Variants in MYL11 observed in about 807,000 individuals in gnomAD.
The protein encoded by MYL11 is myosin light chain 11, also known as myosin regulatory light chain 11.
the MYL11 span, among the ~76,000 whole-genome samples, chr16:30,377,223 GA>G: frequency 1.4e-3 from 201 of 144,544 alleles, no homozygotes; most frequent in African/African-American, 4.1e-3. Context: ...CCAAAAAAAA[GA>G]AAAAAAAAAA....
At chr16:30,375,879 G>C in the MYL11 span, 2 of 1,614,136 alleles carry the variant, frequency 1.2e-6, no homozygotes, top group Non-Finnish European at 1.7e-6. Context: ...TCTTCTCCAT[G>C]TTCGACCAGA....
the MYL11 span, chr16:30,376,575 C>A: frequency 6.2e-7 from 1 of 1,613,450 alleles, no homozygotes; most frequent in South Asian, 1.1e-5. Flanking sequence ...TTTTCCCAGA[C>A]CCTTCAGGGA....
At chr16:30,374,668 C>T in the MYL11 span, 1 of 606,208 alleles carries the variant, frequency 1.6e-6, no homozygotes, top group Non-Finnish European at 2.7e-6. Flanking sequence ...GCTGCCAGCC[C>T]TCCAAGAAAG....
the MYL11 span, chr16:30,372,180 G>C: frequency 6.6e-6 from 1 of 152,482 alleles, no homozygotes; most frequent in Non-Finnish European, 1.5e-5. Flanking sequence ...TAATAAGTGG[G>C]CTCCTCCCTG....
the MYL11 span, among the ~76,000 whole-genome samples, chr16:30,375,203 C>T: frequency 2.6e-5 from 4 of 152,114 alleles, no homozygotes; most frequent in South Asian, 2.1e-4. Context: ...CTGTGGTTCA[C>T]GCCTGTAATC....
At chr16:30,374,692 T>G in the MYL11 span, 1 of 709,708 alleles carries the variant, frequency 1.4e-6, no homozygotes, top group Non-Finnish European at 2.2e-6. Context: ...AGGCCCTGAG[T>G]TGGGCTATTT....
At chr16:30,373,527 C>T in the MYL11 span, among the ~76,000 whole-genome samples, 1 of 150,510 alleles carries the variant, frequency 6.6e-6, no homozygotes, top group Admixed American at 6.6e-5. Flanking sequence ...ACCCGGGAGG[C>T]GGAGGTTACA....
At chr16:30,373,467 G>A in the MYL11 span, among the ~76,000 whole-genome samples, 1 of 152,218 alleles carries the variant, frequency 6.6e-6, no homozygotes, top group East Asian at 1.9e-4. Flanking sequence ...GTGGTGACAC[G>A]CGCCTGTAGT....
At chr16:30,374,899 G>C in the MYL11 span, 1 of 1,610,480 alleles carries the variant, frequency 6.2e-7, no homozygotes, top group Non-Finnish European at 8.5e-7. Context: ...AGATCCCTTA[G>C]ACCTCAGGGC....
chr16:30,374,208 C>T, the MYL11 span, among the ~76,000 whole-genome samples: 23 of 151,486 alleles, frequency 1.5e-4, no homozygotes, highest in East Asian at 5.8e-4. Flanking sequence ...CCCAGCTACT[C>T]GGGAGGCCAA....
At chr16:30,377,840 C>T in the MYL11 span, 4 of 1,614,150 alleles carry the variant, frequency 2.5e-6, no homozygotes, top group Non-Finnish European at 3.4e-6. Context: ...TGGGCGGCAA[C>T]GTCGACTACA....
the MYL11 span, among the ~76,000 whole-genome samples, chr16:30,377,021 T>C: frequency 6.6e-6 from 1 of 152,132 alleles, no homozygotes; most frequent in Non-Finnish European, 1.5e-5. Flanking sequence ...AAGAACAGCC[T>C]GGCCAACACG....
the MYL11 span, chr16:30,377,930 C>T: frequency 1.3e-6 from 2 of 1,580,354 alleles, no homozygotes; most frequent in African/African-American, 1.3e-5. Flanking sequence ...CTGCCCGACG[C>T]TTCTGTTCGG....
chr16:30,377,929 G>A, the MYL11 span: 1 of 1,580,318 alleles, frequency 6.3e-7, no homozygotes, highest in Non-Finnish European at 8.7e-7. Flanking sequence ...GCTGCCCGAC[G>A]CTTCTGTTCG....
At chr16:30,376,430 C>T in the MYL11 span, 1 of 1,613,370 alleles carries the variant, frequency 6.2e-7, no homozygotes, top group Non-Finnish European at 8.5e-7. Context: ...CAGGCCGCCT[C>T]AATGTGAAGA....
chr16:30,371,760 C>T, the MYL11 span, among the ~76,000 whole-genome samples: 1 of 152,168 alleles, frequency 6.6e-6, no homozygotes. Flanking sequence ...ACCCCTCTCC[C>T]CTCACTGCCA....
chr16:30,377,826 G>A, the MYL11 span: 2 of 1,614,084 alleles, frequency 1.2e-6, no homozygotes, highest in Non-Finnish European at 1.7e-6. Context: ...CTTCCCCCCC[G>A]ACGTGGGCGG....
At chr16:30,377,514 A>T in the MYL11 span, 1 of 806,342 alleles carries the variant, frequency 1.2e-6, no homozygotes, top group Non-Finnish European at 1.8e-6. Context: ...GGCAAAAGCG[A>T]GTGTCTGGGA....
At chr16:30,374,694 G>A in the MYL11 span, 1 of 733,916 alleles carries the variant, frequency 1.4e-6, no homozygotes, top group Non-Finnish European at 2.1e-6. Flanking sequence ...GCCCTGAGTT[G>A]GGCTATTTTG....
Sources: gnomAD v4.1 joint callset for allele counts (sites outside exome capture counted in the v4.1 genomes callset) on GRCh38, gnomAD v4.1.1 for gene constraint, MANE v1.5 for transcripts, NCBI Gene and HGNC (gene_info 2026-07-23, HGNC 2026-07-21) for gene names.